Variants in GRM7 observed in about 807,000 individuals in gnomAD.
The protein encoded by GRM7 is glutamate metabotropic receptor 7, also known as metabotropic glutamate receptor 7.
GRM7 carries 35 observed loss-of-function variants against 84.5 expected under a neutral mutation model. The ratio of observed to expected loss-of-function variants is 0.41; its 90% CI spans 0.32 to 0.55. The LOEUF (loss-of-function observed/expected upper bound fraction) is 0.55. Among genes scored for constraint, GRM7 ranks in the 20% least tolerant of loss-of-function variants. GRM7 has a pLI of 0.19. For missense variants in GRM7, 1,003 were observed against 1,194.6 expected, an observed-to-expected ratio of 0.84 and a Z score of 2.36; for synonymous variants, 487 against 455.1, an observed-to-expected ratio of 1.07 and a Z score of -0.89.
At chr3:7,454,015 C>T (rs1030170693) in intron 6 of GRM7, among the ~76,000 whole-genome samples, 5 of 150,922 alleles carry the variant, frequency 3.3e-5, no homozygotes, top group African/African-American at 1.2e-4. Context: ...TTTCTGAGGC[C>T]TAAAGTGCCC....
At chr3:6,994,006 G>T (rs1356086403) in intron 1 of GRM7, among the ~76,000 whole-genome samples, 1 of 152,066 alleles carries the variant, frequency 6.6e-6, no homozygotes, top group Non-Finnish European at 1.5e-5. Context: ...GATTAGAGTT[G>T]CCAAAAATAG....
chr3:7,049,446 T>A (rs906537504), intron 1 of GRM7, among the ~76,000 whole-genome samples: 8 of 151,988 alleles, frequency 5.3e-5, no homozygotes, highest in South Asian at 2.1e-4. Flanking sequence ...ATGAGAGCAG[T>A]ATAATGGAGC....
intron 7 of GRM7, among the ~76,000 whole-genome samples, chr3:7,502,719 A>T (rs568892691): frequency 6.6e-6 from 1 of 152,184 alleles, no homozygotes; most frequent in Non-Finnish European, 1.5e-5. Flanking sequence ...TAATTTGGCA[A>T]TTAACCAGCA....
At chr3:7,457,266 G>T (rs527424042) in intron 6 of GRM7, among the ~76,000 whole-genome samples, 1 of 151,980 alleles carries the variant, frequency 6.6e-6, no homozygotes, top group Non-Finnish European at 1.5e-5. Flanking sequence ...TGATAATATC[G>T]TACCCTAAAG....
chr3:7,509,093 C>T (rs1463892775), intron 7 of GRM7, among the ~76,000 whole-genome samples: 1 of 152,086 alleles, frequency 6.6e-6, no homozygotes, highest in African/African-American at 2.4e-5. Flanking sequence ...TGAATCATTC[C>T]TTTGTCCAAT....
chr3:6,950,323 C>T (rs564920243), intron 1 of GRM7, among the ~76,000 whole-genome samples: 5 of 152,198 alleles, frequency 3.3e-5, no homozygotes, highest in Non-Finnish European at 7.3e-5. Context: ...GAGGTCCACT[C>T]CAGACCCTGT....
In GRM7 at chr3:6,894,510, G is replaced by A. The variant is rs564466672; in HGVS notation, c.519+32603G>A. 3.9e-5 allele frequency among the ~76,000 whole-genome samples: 6 copies of A among 152,020 alleles called. No homozygotes were observed. The South Asian group carries it at 1.2e-3, about 32-fold the overall frequency. On this transcript the variant is annotated intron_variant, in intron 1 of 9. Transcript: ENST00000357716. ...TGGGAGCAAATAAGCCAAATTAATT[G>A]TAATATATACATTGTAATTGTAATA... is the stretch of plus-strand genomic sequence containing the variant.
chr3:7,143,461 A>T (rs1305352560), intron 1 of GRM7, among the ~76,000 whole-genome samples: 4 of 152,088 alleles, frequency 2.6e-5, no homozygotes, highest in Non-Finnish European at 5.9e-5. Flanking sequence ...GTACCATTGG[A>T]TAGAGGGTAT....
intron 1 of GRM7, among the ~76,000 whole-genome samples, chr3:7,027,076 C>A (rs1017813745): frequency 6.6e-6 from 1 of 152,192 alleles, no homozygotes; most frequent in African/African-American, 2.4e-5. Flanking sequence ...ACCACAAATT[C>A]CACCTCTTAT....
chr3:7,521,556 T>G (rs1005561879), intron 7 of GRM7, among the ~76,000 whole-genome samples: 1 of 152,130 alleles, frequency 6.6e-6, no homozygotes, highest in Non-Finnish European at 1.5e-5. Context: ...AGCAACTTGA[T>G]TTTGGACTTC....
chr3:7,176,724 G>A (rs1447699565), intron 2 of GRM7, among the ~76,000 whole-genome samples: 1 of 152,102 alleles, frequency 6.6e-6, no homozygotes, highest in Non-Finnish European at 1.5e-5. Context: ...TGTTGGCCAA[G>A]GCTTTGAGTT....
chr3:7,214,217 T>C (rs1441056185), intron 2 of GRM7, among the ~76,000 whole-genome samples: 2 of 151,774 alleles, frequency 1.3e-5, no homozygotes, highest in Non-Finnish European at 2.9e-5. Flanking sequence ...CGATGCAATA[T>C]AATGAATGTA....
intron 6 of GRM7, among the ~76,000 whole-genome samples, chr3:7,454,090 A>ACACTCTCTCTCTCTCTCTCTCTCTCT (rs1365192243): frequency 2.1e-5 from 3 of 140,122 alleles, no homozygotes; most frequent in South Asian, 2.3e-4. Context: ...CTACACACAC[A>ACACTCTCTCTCTCTCTCTCTCTCTCT]CTCTCTCTCT....
chr3:7,618,392 CTAGT>C (rs1413906497), intron 8 of GRM7, among the ~76,000 whole-genome samples: 2 of 152,034 alleles, frequency 1.3e-5, no homozygotes, highest in Non-Finnish European at 2.9e-5. Context: ...AATATTGTGT[CTAGT>C]TAGCCAAAAA....
At chr3:7,301,187 GTC>G (rs1367019931) in intron 3 of GRM7, among the ~76,000 whole-genome samples, 1 of 151,814 alleles carries the variant, frequency 6.6e-6, no homozygotes, top group Non-Finnish European at 1.5e-5. Flanking sequence ...TTATCTATCT[GTC>G]TAACTTACGT....
intron 8 of GRM7, among the ~76,000 whole-genome samples, chr3:7,596,389 A>G (rs1303004619): frequency 6.6e-6 from 1 of 152,156 alleles, no homozygotes; most frequent in Non-Finnish European, 1.5e-5. Context: ...GATGCTGGGA[A>G]TTATCAGACT....
rs189804768 is a variant in GRM7, at chr3:7,062,229, C to T, written c.520-84223C>T. On this transcript the variant is annotated intron_variant, in intron 1 of 9. Coordinates refer to ENST00000357716, the MANE Select transcript of GRM7 (RefSeq NM_000844.4). ...GGATCATAGGAGATGAAAGGAGAGACGAATGGGAGTAAGGAGATGAGTAGT... is the reference window on the plus strand; with the variant it reads ...GGATCATAGGAGATGAAAGGAGAGATGAATGGGAGTAAGGAGATGAGTAGT... Among the ~76,000 whole-genome samples the T allele has an allele frequency of 4.9e-3, 749 of 151,644 alleles. 7 individuals carry two copies. The highest frequency in any genetic ancestry group is 0.017 in the African/African-American group (714 of 41,406).
intron 8 of GRM7, among the ~76,000 whole-genome samples, chr3:7,658,903 G>A (rs765165032): frequency 9.2e-5 from 14 of 152,038 alleles, no homozygotes; most frequent in African/African-American, 1.2e-4. Flanking sequence ...AAACATGAAC[G>A]TTTTTGAAAG....
chr3:7,221,499 T>C (rs943412566), intron 2 of GRM7, among the ~76,000 whole-genome samples: 1 of 152,100 alleles, frequency 6.6e-6, no homozygotes, highest in Non-Finnish European at 1.5e-5. Flanking sequence ...TTTCTTGATA[T>C]GTAAAAATAT....
Sources: allele counts gnomAD v4.1 joint callset (sites outside exome capture counted in the v4.1 genomes callset), GRCh38; gene constraint gnomAD v4.1.1; transcripts MANE v1.5; gene names NCBI Gene and HGNC (gene_info 2026-07-23, HGNC 2026-07-21).